The following SLC22A24 variants were observed in gnomAD, a reference collection of about 807,000 sequenced individuals.
The protein encoded by SLC22A24 is steroid transmembrane transporter SLC22A24.
SLC22A24 carries 53 observed loss-of-function variants against 49.8 expected under a neutral mutation model. The ratio of observed to expected loss-of-function variants is 1.06; its 90% CI spans 0.85 to 1.34. SLC22A24 has a LOEUF of 1.34. Ranked by LOEUF, SLC22A24 falls within the 40% of genes most tolerant of loss-of-function variation. The pLI, the probability that SLC22A24 is intolerant of heterozygous loss-of-function variation, is 0.00. For synonymous variants in SLC22A24, 302 were observed against 256.4 expected (o/e 1.18, Z -1.70); for missense variants, 786 against 675.9 (o/e 1.16, Z -1.81).
rs541403539 is a variant in SLC22A24 at position 63,081,592 on chromosome 11, C to T, written c.1360G>A (p.Val454Ile). The T allele has an allele frequency of 4.5e-6, 7 of 1,551,570 alleles. No individual in the cohort carries two copies. Among genetic ancestry groups the T allele is most frequent in the African/African-American group, 1.4e-5 (1 of 73,142 alleles). ...GTGGGGACGAGCTCGTTGTGGTGGA[C>T]AGAAGCACTGTTGCTAGCAGCAGAA... ...SVSAASNSAS[V>I]HHNELVPTIL... Residue 454 changes from valine to isoleucine, a missense_variant, in exon 8 of 10, where the codon GTC (valine) becomes ATC (isoleucine). Physicochemically the swap from Val to Ile is conservative, Grantham distance 29. Transcript: ENST00000612278.
At chr11:63,118,283 AAACATCCC>A (rs2087225835) in intron 4 of SLC22A24, among the ~76,000 whole-genome samples, 1 of 152,184 alleles carries the variant, frequency 6.6e-6, no homozygotes, top group South Asian at 2.1e-4. Context: ...GATATGTTAA[AAACATCCC>A]AACATTCACT....
chr11:63,125,919 C>T (rs1005510250), intron 2 of SLC22A24, among the ~76,000 whole-genome samples: 2 of 152,164 alleles, frequency 1.3e-5, no homozygotes, highest in Non-Finnish European at 2.9e-5. Context: ...TGATGATGAG[C>T]ATTTTTTCCT....
chr11:63,143,428 C>T lies in SLC22A24; in HGVS notation c.352G>A (p.Asp118Asn), dbSNP rs772986533. The change falls in exon 1 of 10, where the codon GAT becomes AAT. Residue 118 changes from aspartate to asparagine, a missense_variant. Coordinates refer to ENST00000612278, the MANE Select transcript of SLC22A24 (RefSeq NM_001136506.2). Reference sequence around the variant, plus strand: ...GAGCTTCTGTCGTACACCCAGCCATCCACACAGGGCTCCGTGTCTGGCTCA... The same window carrying T: ...GAGCTTCTGTCGTACACCCAGCCATTCACACAGGGCTCCGTGTCTGGCTCA... The part of the protein sequence containing the change: ...TNEPDTEPCV[D>N]GWVYDRSSFL... The T allele has an allele frequency of 6.5e-7, 1 of 1,539,148 alleles. No homozygotes were observed. Among genetic ancestry groups the T allele is most frequent in the South Asian group, 1.3e-5 (1 of 76,370 alleles).
chr11:63,094,801 A>G (rs1380395370), intron 6 of SLC22A24, among the ~76,000 whole-genome samples: 4 of 152,252 alleles, frequency 2.6e-5, no homozygotes, highest in South Asian at 2.1e-4. Flanking sequence ...GTCTGTTCAT[A>G]TCCTTCACCC....
Position 63,143,734 on chromosome 11 carries a change from A to G in SLC22A24, c.46T>C (p.Phe16Leu). Residue 16 changes from phenylalanine to leucine, a missense_variant, in exon 1 of 10, where the codon TTC (phenylalanine) becomes CTC (leucine). Transcript: ENST00000612278. Reference sequence around the variant, plus strand: ...AAGAAAGCTATCAGACAAATCTGGAATCTCCCCATGCCACCCACTTGATCC... The same window carrying G: ...AAGAAAGCTATCAGACAAATCTGGAGTCTCCCCATGCCACCCACTTGATCC... ...LLDQVGGMGRFQICLIAFFCI... is the reference protein window; with the variant it reads ...LLDQVGGMGRLQICLIAFFCI... 1 of 1,498,166 alleles carries G rather than the reference A, an allele frequency of 6.7e-7. No individual in the cohort carries two copies. The highest frequency in any genetic ancestry group is 8.9e-7 in the Non-Finnish European group (1 of 1,122,698). 92.8% of individuals were successfully genotyped at this position (1,498,166 alleles called of 1,614,324 possible). A position where few individuals can be genotyped will look rare whatever the true frequency, so the allele number is the denominator to read the frequency against.
chr11:63,096,144 G>A (rs1301918205), intron 5 of SLC22A24, 38 bp from the exon 6 acceptor site: 1 of 1,295,280 alleles, frequency 7.7e-7, no homozygotes, highest in Non-Finnish European at 1.1e-6. Flanking sequence ...TTTGTGAGAT[G>A]TCAATAATGT....
At chr11:63,101,027 G>A (rs1253172992) in intron 5 of SLC22A24, among the ~76,000 whole-genome samples, 1 of 152,040 alleles carries the variant, frequency 6.6e-6, no homozygotes, top group Admixed American at 6.6e-5. Flanking sequence ...AGCACAGGCA[G>A]ACAAAGTAAA....
At chr11:63,104,857 A>G (rs2087110826) in intron 4 of SLC22A24, among the ~76,000 whole-genome samples, 1 of 152,190 alleles carries the variant, frequency 6.6e-6, no homozygotes, top group Non-Finnish European at 1.5e-5. Context: ...CCTTCCCAAC[A>G]GTCCCCCAAA....
chr11:63,081,424 T>A (rs894857392), intron 8 of SLC22A24, 134 bp downstream of exon 8: 3 of 689,576 alleles, frequency 4.4e-6, no homozygotes, highest in Non-Finnish European at 7.6e-6. Flanking sequence ...CATATATGGC[T>A]CTCAGTTACT....
chr11:63,122,580 T>A (rs932896588), intron 2 of SLC22A24, among the ~76,000 whole-genome samples: 2 of 152,122 alleles, frequency 1.3e-5, no homozygotes, highest in African/African-American at 4.8e-5. Context: ...GGTGGTGCCA[T>A]CTCGGCTCAC....
intron 2 of SLC22A24, among the ~76,000 whole-genome samples, chr11:63,126,950 TTGTC>T (rs1441710213): frequency 2.6e-5 from 4 of 152,104 alleles, no homozygotes; most frequent in African/African-American, 4.8e-5. Flanking sequence ...GGCTCTCAGT[TTGTC>T]TGTTATTGGT....
chr11:63,118,877 C>G, intron 4 of SLC22A24, 35 bp downstream of exon 4: 1 of 1,550,764 alleles, frequency 6.4e-7, no homozygotes, highest in Non-Finnish European at 8.7e-7. Flanking sequence ...ACCATAGCCT[C>G]GCTTACAGGC....
At chr11:63,120,730 T>A (rs567628348) in intron 2 of SLC22A24, among the ~76,000 whole-genome samples, 1 of 152,310 alleles carries the variant, frequency 6.6e-6, no homozygotes, top group East Asian at 1.9e-4. Context: ...TTTGGACACC[T>A]GTTCTGTAAT....
intron 6 of SLC22A24, among the ~76,000 whole-genome samples, chr11:63,091,370 A>G (rs910735313): frequency 6.6e-6 from 1 of 152,218 alleles, no homozygotes; most frequent in African/African-American, 2.4e-5. Flanking sequence ...ATTCCAAACA[A>G]TAGAGGAAGA....
chr11:63,119,675 G>A (rs2087237753), intron 2 of SLC22A24, among the ~76,000 whole-genome samples: 1 of 152,196 alleles, frequency 6.6e-6, no homozygotes, highest in African/African-American at 2.4e-5. Flanking sequence ...TAGTGGATAT[G>A]TGTGTTGTGT....
intron 2 of SLC22A24, among the ~76,000 whole-genome samples, chr11:63,129,182 C>A (rs191757239): frequency 6.6e-6 from 1 of 152,272 alleles, no homozygotes; most frequent in Admixed American, 6.5e-5. Context: ...CCAGTTTTAG[C>A]TTTCTACGTA....
At chr11:63,091,788 C>T (rs1040491967) in intron 6 of SLC22A24, among the ~76,000 whole-genome samples, 2 of 152,030 alleles carry the variant, frequency 1.3e-5, no homozygotes, top group African/African-American at 4.8e-5. Context: ...TTGACAAATC[C>T]ATAGCCAATA....
intron 6 of SLC22A24, among the ~76,000 whole-genome samples, chr11:63,090,066 A>G (rs4963358): frequency 0.53 from 70,440 of 131,722 alleles, 18,946 homozygotes; most frequent in African/African-American, 0.55. Context: ...GGACGACAGA[A>G]CGAGACTCTG....
intron 2 of SLC22A24, among the ~76,000 whole-genome samples, chr11:63,129,960 C>G (rs923669720): frequency 6.6e-6 from 1 of 152,102 alleles, no homozygotes; most frequent in Non-Finnish European, 1.5e-5. Flanking sequence ...AACTGAACAC[C>G]CTTTATTTCT....
Sources: gnomAD v4.1 joint callset for allele counts (sites outside exome capture counted in the v4.1 genomes callset) on GRCh38, gnomAD v4.1.1 for gene constraint, MANE v1.5 for transcripts, NCBI Gene and HGNC (gene_info 2026-07-23, HGNC 2026-07-21) for gene names.